The following PCDHGB6 variants were observed in gnomAD, a reference collection of about 807,000 sequenced individuals.
PCDHGB6 encodes the protein protocadherin gamma subfamily B, 6.
A neutral mutation model predicts 59.1 loss-of-function variants in PCDHGB6; 51 were observed. That is an observed-to-expected ratio of 0.86 (90% CI 0.69 to 1.09). PCDHGB6 has a LOEUF of 1.09. PCDHGB6 is among the 50% of genes least tolerant of loss of function. PCDHGB6 has a pLI of 0.00. For missense variants in PCDHGB6, 1,148 were observed against 1,205.1 expected, an observed-to-expected ratio of 0.95 and a Z score of 0.70; for synonymous variants, 466 against 495.1, an observed-to-expected ratio of 0.94 and a Z score of 0.78.
At chr5:141,448,185 G>A (rs2098572532) in intron 1 of PCDHGB6, among the ~76,000 whole-genome samples, 1 of 152,020 alleles carries the variant, frequency 6.6e-6, no homozygotes, top group Non-Finnish European at 1.5e-5. Flanking sequence ...CCCTGGTTAT[G>A]TACACTTACA....
At chr5:141,446,624 G>C (rs1433894248) in intron 1 of PCDHGB6, among the ~76,000 whole-genome samples, 1 of 151,930 alleles carries the variant, frequency 6.6e-6, no homozygotes, top group African/African-American at 2.4e-5. Flanking sequence ...CTACAGGCGT[G>C]CACCACCACG....
chr5:141,485,663 A>G lies in PCDHGB6; in HGVS notation c.2419-9144A>G, dbSNP rs1594506698. ...AAAGGCTCAGGATGCAGATGTGGGG[A>G]GCAATTCGATTAGCAGCTATAGGCT... On this transcript the variant is annotated intron_variant, in intron 1 of 3. Transcript: ENST00000520790. The surrounding 1 kb of genome is among the most constrained non-coding windows in gnomAD (Gnocchi z 5.7). The G allele has an allele frequency of 1.2e-6, 2 of 1,612,638 alleles. No homozygotes were observed. Among genetic ancestry groups the G allele is most frequent in the East Asian group, 4.5e-5 (2 of 44,840 alleles).
rs369323252 is a variant in PCDHGB6 at position 141,487,658 on chromosome 5, G to T, written c.2419-7149G>T. ...TCAACAAATGCTTGAGGGTTATTCT[G>T]ATCCAGGCATATGGCTAGGCCATGT... On this transcript the variant is annotated intron_variant, in intron 1 of 3. Coordinates refer to ENST00000520790, the MANE Select transcript of PCDHGB6 (RefSeq NM_018926.3). This position sits in a 1 kb window ranked among gnomAD's most constrained non-coding sequence, Gnocchi z 5.0. The T allele has an allele frequency of 8.7e-5, 140 of 1,613,508 alleles. No individual in the cohort carries two copies. The highest frequency in any genetic ancestry group is 1.1e-4 in the Non-Finnish European group (134 of 1,179,802).
At chr5:141,427,188 A>G (rs1346514063) in intron 1 of PCDHGB6, 1 of 456,744 alleles carries the variant, frequency 2.2e-6, no homozygotes, top group Admixed American at 2.3e-5. Flanking sequence ...AATTAAATCC[A>G]AAGACTTAAT....
intron 3 of PCDHGB6, among the ~76,000 whole-genome samples, chr5:141,510,639 T>TATCA (rs998925545): frequency 1.4e-4 from 22 of 152,300 alleles, no homozygotes; most frequent in African/African-American, 4.6e-4. Context: ...TGGTTACCAT[T>TATCA]ATCATCCCCA....
Position 141,431,168 on chromosome 5 carries a change from G to A in PCDHGB6, c.2418+20548G>A, listed in dbSNP as rs779778442. On this transcript the variant is annotated intron_variant, in intron 1 of 3. Coordinates refer to ENST00000520790, the MANE Select transcript of PCDHGB6 (RefSeq NM_018926.3). This position sits in a 1 kb window ranked among gnomAD's most constrained non-coding sequence, Gnocchi z 4.8. Reference sequence around the variant, plus strand: ...CAATGCGCCTTACTTTCGTGAAAGTGAATTAGAAATAAAAATTAGTGAAAA... The same window carrying A: ...CAATGCGCCTTACTTTCGTGAAAGTAAATTAGAAATAAAAATTAGTGAAAA... The A allele has an allele frequency of 9.9e-6, 16 of 1,614,206 alleles. No individual in the cohort carries two copies. The Admixed American group carries it at 1.2e-4, about 12-fold the overall frequency.
rs1421497518 is a variant in PCDHGB6 at position 141,431,979 on chromosome 5, A to G, written c.2418+21359A>G. ...GGAAATTACTATAGTTTAGTCACAGACATAGTCTTGGATAGGGAACAGGTT... is the reference window on the plus strand; with the variant it reads ...GGAAATTACTATAGTTTAGTCACAGGCATAGTCTTGGATAGGGAACAGGTT... On this transcript the variant is annotated intron_variant, in intron 1 of 3. Coordinates refer to ENST00000520790, the MANE Select transcript of PCDHGB6 (RefSeq NM_018926.3). This position sits in a 1 kb window ranked among gnomAD's most constrained non-coding sequence, Gnocchi z 4.8. 6.2e-7 allele frequency: 1 copy of G among 1,614,078 alleles called. No homozygotes were observed. The highest frequency in any genetic ancestry group is 1.3e-5 in the African/African-American group (1 of 74,932).
At chr5:141,478,574 C>T (rs2099465133) in intron 1 of PCDHGB6, 1 of 1,586,288 alleles carries the variant, frequency 6.3e-7, no homozygotes, top group Non-Finnish European at 8.6e-7. Flanking sequence ...ATGCTTGACC[C>T]TGTTAGTGCT....
chr5:141,457,058 T>C (rs756862311), intron 1 of PCDHGB6, among the ~76,000 whole-genome samples: 1 of 152,230 alleles, frequency 6.6e-6, no homozygotes, highest in South Asian at 2.1e-4. Flanking sequence ...TCATGCTTCC[T>C]TTTTGCCAGT....
chr5:141,491,702 T>A lies in PCDHGB6; in HGVS notation c.2419-3105T>A. The A allele has an allele frequency of 6.2e-7, 1 of 1,611,514 alleles. No homozygotes were observed. Among genetic ancestry groups the A allele is most frequent in the Non-Finnish European group, 8.5e-7 (1 of 1,178,984 alleles). ...AATACGCTGCGGGAGCGGAGCCAGG[T>A]GAGGGGCTCGGCGCCGCCCCGGGCG... On this transcript the variant is annotated intron_variant, in intron 1 of 3. Coordinates refer to ENST00000520790, the MANE Select transcript of PCDHGB6 (RefSeq NM_018926.3). The surrounding 1 kb of genome is among the most constrained non-coding windows in gnomAD (Gnocchi z 6.9).
chr5:141,457,694 C>T (rs891323419), intron 1 of PCDHGB6, among the ~76,000 whole-genome samples: 4 of 152,214 alleles, frequency 2.6e-5, no homozygotes, highest in Non-Finnish European at 5.9e-5. Context: ...TTTGGATTGG[C>T]TTTGATGAAA....
rs1446743849 is a variant in PCDHGB6, at chr5:141,476,288, C to T, written c.2419-18519C>T. The T allele has an allele frequency of 1.3e-5, 21 of 1,613,980 alleles. No individual in the cohort carries two copies. The highest frequency in any genetic ancestry group is 2.2e-5 in the South Asian group (2 of 91,076). On this transcript the variant is annotated intron_variant, in intron 1 of 3. Coordinates refer to ENST00000520790, the MANE Select transcript of PCDHGB6 (RefSeq NM_018926.3). This position sits in a 1 kb window ranked among gnomAD's most constrained non-coding sequence, Gnocchi z 7.6. ...CGTGGTCGCGAACCTTGGTTTGGAT[C>T]TCGGTAGCCTCTCAGCCCGCAGGTT...
intron 1 of PCDHGB6, chr5:141,427,972 C>A: frequency 6.3e-7 from 1 of 1,593,948 alleles, no homozygotes; most frequent in Non-Finnish European, 8.6e-7. Context: ...GTGCTGTACC[C>A]CGCGCTGGGG....
intron 1 of PCDHGB6, among the ~76,000 whole-genome samples, chr5:141,465,276 C>A (rs558169180): frequency 6.6e-6 from 1 of 152,254 alleles, no homozygotes; most frequent in South Asian, 2.1e-4. Context: ...CCATTTAGTT[C>A]ACCCCTAAAG....
At chr5:141,433,837 C>CAAAA (rs56191208) in intron 1 of PCDHGB6, among the ~76,000 whole-genome samples, 6 of 111,700 alleles carry the variant, frequency 5.4e-5, no homozygotes, top group African/African-American at 1.9e-4. Flanking sequence ...AACTCTATCT[C>CAAAA]AAAAAAAAAA....
intron 1 of PCDHGB6, among the ~76,000 whole-genome samples, chr5:141,492,782 C>T (rs2099743868): frequency 6.6e-6 from 1 of 152,258 alleles, no homozygotes; most frequent in Non-Finnish European, 1.5e-5. Context: ...GAGTGAGCCT[C>T]TATAGGACAG....
chr5:141,460,467 AG>A (rs1303418429), intron 1 of PCDHGB6, among the ~76,000 whole-genome samples: 1 of 152,114 alleles, frequency 6.6e-6, no homozygotes, highest in African/African-American at 2.4e-5. Flanking sequence ...TTTTTTCCAA[AG>A]GAATATCCAA....
At chr5:141,439,151 C>T (rs563575567) in intron 1 of PCDHGB6, among the ~76,000 whole-genome samples, 1 of 150,892 alleles carries the variant, frequency 6.6e-6, no homozygotes, top group Admixed American at 6.6e-5. Context: ...TGAGATCACG[C>T]CACTGCACTC....
chr5:141,450,851 G>T (rs1184272833), intron 1 of PCDHGB6, among the ~76,000 whole-genome samples: 1 of 142,602 alleles, frequency 7.0e-6, no homozygotes, highest in Non-Finnish European at 1.5e-5. Context: ...TTGAGATGGG[G>T]TCTTGCTCTG....
Sources: gnomAD v4.1 joint callset for allele counts (sites outside exome capture counted in the v4.1 genomes callset) on GRCh38, gnomAD v4.1.1 for gene constraint, Gnocchi (gnomAD v3.1) non-coding constraint, MANE v1.5 for transcripts, NCBI Gene and HGNC (gene_info 2026-07-23, HGNC 2026-07-21) for gene names.